Variants in SCML4 observed in about 807,000 individuals in gnomAD.
SCML4 encodes the protein sex comb on midleg-like protein 4.
SCML4 carries 34 observed loss-of-function variants against 41.1 expected under a neutral mutation model. The ratio of observed to expected loss-of-function variants is 0.83; its 90% confidence interval spans 0.63 to 1.10. SCML4 has a LOEUF of 1.10. Ranked by LOEUF, SCML4 falls within the 50% of genes least tolerant of loss-of-function variation. The pLI, the probability that SCML4 is intolerant of heterozygous loss-of-function variation, is 0.00. For missense variants in SCML4, 522 were observed against 534.1 expected (o/e 0.98, Z 0.22); for synonymous variants, 214 against 220.9 (o/e 0.97, Z 0.28).
At chr6:107,739,581 G>A (rs574930908) in intron 5 of SCML4, among the ~76,000 whole-genome samples, 24 of 152,216 alleles carry the variant, frequency 1.6e-4, no homozygotes, top group African/African-American at 5.1e-4. Flanking sequence ...TCCTGATGCA[G>A]ATAAGCCCAT....
At chr6:107,741,935 C>T (rs1418552663) in intron 5 of SCML4, among the ~76,000 whole-genome samples, 2 of 152,158 alleles carry the variant, frequency 1.3e-5, no homozygotes, top group South Asian at 4.1e-4. Flanking sequence ...ATGGGCAAGG[C>T]AAGGGACCAG....
intron 5 of SCML4, among the ~76,000 whole-genome samples, chr6:107,728,845 A>G (rs1776250306): frequency 6.6e-6 from 1 of 152,210 alleles, no homozygotes; most frequent in Non-Finnish European, 1.5e-5. Context: ...GTGGCTCTGT[A>G]AAGTGGCTCC....
Position 107,744,986 on chromosome 6 carries a change from C to T in SCML4, c.645G>A (p.Glu215=). The change falls in exon 5 of 8, where the codon GAG becomes GAA. Residue 215 remains glutamate, a synonymous_variant. Transcript: ENST00000369020. ...QPFPRGCSAS[E]KVQEKEEGRM... ...TCCCTTCCTCTTTCTCCTGGACTTT[C>T]TCAGAGGCACTGCAGCCCCTGGGGA... The T allele has an allele frequency of 6.2e-7, 1 of 1,613,578 alleles. No individual in the cohort carries two copies. Among genetic ancestry groups the T allele is most frequent in the Non-Finnish European group, 8.5e-7 (1 of 1,179,762 alleles).
intron 1 of SCML4, among the ~76,000 whole-genome samples, chr6:107,799,392 GATGA>G (rs1327665997): frequency 6.6e-6 from 1 of 152,054 alleles, no homozygotes; most frequent in Non-Finnish European, 1.5e-5. Flanking sequence ...TCTTTCTTAT[GATGA>G]ATGTTTGCAC....
At chr6:107,780,769 T>C (rs1410619329) in intron 1 of SCML4, among the ~76,000 whole-genome samples, 1 of 151,818 alleles carries the variant, frequency 6.6e-6, no homozygotes, top group African/African-American at 2.4e-5. Context: ...AGATGACTGA[T>C]TTCATATCTT....
At chr6:107,727,579 G>A (rs976178722) in intron 5 of SCML4, among the ~76,000 whole-genome samples, 2 of 152,162 alleles carry the variant, frequency 1.3e-5, no homozygotes, top group African/African-American at 4.8e-5. Flanking sequence ...GCTCTGTGCC[G>A]AATGCTATGC....
At chr6:107,743,144 T>C (rs575123024) in intron 5 of SCML4, among the ~76,000 whole-genome samples, 1 of 152,342 alleles carries the variant, frequency 6.6e-6, no homozygotes, top group Non-Finnish European at 1.5e-5. Context: ...TAACTTTTTA[T>C]ACCTGTAGCA....
chr6:107,766,534 C>T (rs1026309781), intron 2 of SCML4, among the ~76,000 whole-genome samples: 12 of 152,198 alleles, frequency 7.9e-5, no homozygotes, highest in Non-Finnish European at 1.5e-4. Flanking sequence ...TCTTGACAAA[C>T]AAGGAAAGCT....
intron 5 of SCML4, among the ~76,000 whole-genome samples, chr6:107,733,043 A>C (rs1185069522): frequency 2.0e-5 from 3 of 152,192 alleles, no homozygotes; most frequent in East Asian, 3.9e-4. Context: ...AGCTCATTGG[A>C]AACTCAGTCC....
At chr6:107,776,533 T>C (rs1454459592) in intron 1 of SCML4, among the ~76,000 whole-genome samples, 1 of 152,218 alleles carries the variant, frequency 6.6e-6, no homozygotes, top group East Asian at 1.9e-4. Flanking sequence ...AGGTATCATT[T>C]GTCAATTGCC....
rs1231238332 is a variant in SCML4 at position 107,703,330 on chromosome 6, C to T, written c.*1870G>A. On this transcript the variant is annotated 3_prime_UTR_variant, in exon 8 of 8. Transcript: ENST00000369020. ...CTGGATCGGGACCCCCTTCCTGTAACAAAATCACCAGACATCAAGCTCTTC... is the reference window on the plus strand; with the variant it reads ...CTGGATCGGGACCCCCTTCCTGTAATAAAATCACCAGACATCAAGCTCTTC... Among the ~76,000 whole-genome samples, 1 of 152,162 alleles carries T rather than the reference C, an allele frequency of 6.6e-6. No individual in the cohort carries two copies. Among genetic ancestry groups the T allele is most frequent in the Non-Finnish European group, 1.5e-5 (1 of 68,034 alleles).
intron 1 of SCML4, among the ~76,000 whole-genome samples, chr6:107,805,638 C>A (rs1234242132): frequency 6.6e-6 from 1 of 152,200 alleles, no homozygotes; most frequent in Non-Finnish European, 1.5e-5. Context: ...TACACCCAGA[C>A]TCAGCCAAAG....
intron 2 of SCML4, among the ~76,000 whole-genome samples, chr6:107,759,132 C>CAAAAAAAAAAAAAAAAA (rs60124415): frequency 2.3e-5 from 2 of 88,232 alleles, no homozygotes; most frequent in African/African-American, 4.5e-5. Context: ...ACAAAAAATA[C>CAAAAAAAAAAAAAAAAA]AAAAAAAAAA....
upstream of SCML4, among the ~76,000 whole-genome samples, chr6:107,825,662 C>A (rs1158678414): frequency 6.6e-6 from 1 of 151,520 alleles, no homozygotes; most frequent in Non-Finnish European, 1.5e-5. Flanking sequence ...ATGGATGGGC[C>A]AGGTGCAGTG....
chr6:107,730,593 G>T (rs1776441467), intron 5 of SCML4, among the ~76,000 whole-genome samples: 1 of 152,182 alleles, frequency 6.6e-6, no homozygotes, highest in South Asian at 2.1e-4. Context: ...AAAAAAGAAT[G>T]ATCTGCCTTT....
intron 1 of SCML4, among the ~76,000 whole-genome samples, chr6:107,813,410 ATATATATATATAT>A (rs1784339824): frequency 1.3e-4 from 3 of 23,262 alleles, no homozygotes; most frequent in African/African-American, 2.1e-4. Flanking sequence ...ATATATATAT[ATATATATATATAT>A]AAAACTGTAA....
intron 5 of SCML4, among the ~76,000 whole-genome samples, chr6:107,730,704 T>G (rs931320429): frequency 1.3e-5 from 2 of 152,216 alleles, no homozygotes; most frequent in African/African-American, 2.4e-5. Context: ...CTGGGAGCTT[T>G]CAGGACAGAC....
At position 107,744,996 on chromosome 6, in the gene SCML4, C is replaced by A; in HGVS notation, c.635G>T (p.Ser212Ile). Reference protein sequence around the residue: ...FSHQPFPRGCSASEKVQEKEE... With the variant: ...FSHQPFPRGCIASEKVQEKEE... ...TTTCTCCTGGACTTTCTCAGAGGCA[C>A]TGCAGCCCCTGGGGAAGGGCTGGTG... The change falls in exon 5 of 8, where the codon AGT (serine) becomes ATT (isoleucine). Residue 212 changes from serine to isoleucine, a missense_variant. Transcript: ENST00000369020. 1 of 1,613,916 alleles carries A rather than the reference C, an allele frequency of 6.2e-7. No individual in the cohort carries two copies. The highest frequency in any genetic ancestry group is 8.5e-7 in the Non-Finnish European group (1 of 1,179,914).
upstream of SCML4, among the ~76,000 whole-genome samples, chr6:107,825,936 CAAAAAAAAAAA>C (rs71015515): frequency 3.2e-5 from 2 of 62,654 alleles, no homozygotes; most frequent in African/African-American, 7.6e-5. Flanking sequence ...GACTCCATCT[CAAAAAAAAAAA>C]AAAAAAAAAG....
Sources: allele counts gnomAD v4.1 joint callset (sites outside exome capture counted in the v4.1 genomes callset), GRCh38; gene constraint gnomAD v4.1.1; transcripts MANE v1.5; gene names NCBI Gene and HGNC (gene_info 2026-07-23, HGNC 2026-07-21).